Variants in CPPED1 observed in about 807,000 individuals in gnomAD.
CPPED1 encodes the protein serine/threonine-protein phosphatase CPPED1.
CPPED1 carries 28 observed loss-of-function variants against 28.0 expected under a neutral mutation model. The observed-to-expected ratio is 1.00, with a 90% CI of 0.74 to 1.37. The LOEUF (loss-of-function observed/expected upper bound fraction) is 1.37. CPPED1 is among the 40% of genes most tolerant of loss of function. The probability of loss-of-function intolerance (pLI) is 0.00; values close to 1 mark genes in which losing one functional copy is unlikely to be tolerated. For synonymous variants in CPPED1, 198 were observed against 180.2 expected, an observed-to-expected ratio of 1.10 and a Z score of -0.79; for missense variants, 504 against 416.5, an observed-to-expected ratio of 1.21 and a Z score of -1.83.
At chr16:12,733,149 C>T (rs995294879) in intron 2 of CPPED1, among the ~76,000 whole-genome samples, 1 of 152,026 alleles carries the variant, frequency 6.6e-6, no homozygotes, top group African/African-American at 2.4e-5. Context: ...AAAACCACAA[C>T]AAATAAAGCA....
intron 3 of CPPED1, among the ~76,000 whole-genome samples, chr16:12,696,885 C>T (rs942974339): frequency 6.6e-6 from 1 of 152,134 alleles, no homozygotes. Flanking sequence ...ACTTAAGAAG[C>T]CAAATCCTGT....
At chr16:12,769,312 C>T (rs534823824) in intron 2 of CPPED1, among the ~76,000 whole-genome samples, 3 of 152,166 alleles carry the variant, frequency 2.0e-5, no homozygotes, top group East Asian at 3.9e-4. Flanking sequence ...TTGGTTTCCT[C>T]GAAAATCCTA....
chr16:12,755,378 C>T (rs1258858898), intron 2 of CPPED1, among the ~76,000 whole-genome samples: 1 of 150,888 alleles, frequency 6.6e-6, no homozygotes, highest in African/African-American at 2.4e-5. Flanking sequence ...ACCTCCCAGG[C>T]TCAAGCAATC....
At chr16:12,729,247 G>A (rs1728716917) in intron 2 of CPPED1, among the ~76,000 whole-genome samples, 1 of 152,122 alleles carries the variant, frequency 6.6e-6, no homozygotes, top group African/African-American at 2.4e-5. Context: ...AAATAGTGAA[G>A]ATGGCTCCAA....
At position 12,663,418 on chromosome 16, in the gene CPPED1, T is replaced by C. The variant is rs2079807611; in HGVS notation, c.*1468A>G. ...CCGAACTCCTTTTCTTGACCTCCTA[T>C]ACCTACACCTGTTGTAAAGAAACAA... is the stretch of plus-strand genomic sequence containing the variant. On this transcript the variant is annotated 3_prime_UTR_variant, in exon 4 of 4. Transcript: ENST00000381774. 3 of 152,066 alleles carry C rather than the reference T, an allele frequency of 2.0e-5. No homozygotes were observed. Among genetic ancestry groups the C allele is most frequent in the Admixed American group, 1.3e-4 (2 of 15,270 alleles). 9.4% of individuals were successfully genotyped at this position (152,066 alleles called of 1,614,324 possible).
At chr16:12,685,745 G>C (rs986969985) in intron 3 of CPPED1, among the ~76,000 whole-genome samples, 1 of 152,318 alleles carries the variant, frequency 6.6e-6, no homozygotes, top group Non-Finnish European at 1.5e-5. Context: ...CCCCAAACCA[G>C]GATGGATGCA....
chr16:12,703,012 C>A (rs1475856891), intron 3 of CPPED1, among the ~76,000 whole-genome samples: 752 of 121,662 alleles, frequency 6.2e-3, no homozygotes, highest in Non-Finnish European at 6.5e-3. Context: ...GACTCCGTCT[C>A]AAAAAAAAAA....
chr16:12,746,398 C>T (rs959345996), intron 2 of CPPED1, among the ~76,000 whole-genome samples: 30 of 136,494 alleles, frequency 2.2e-4, no homozygotes, highest in African/African-American at 8.0e-4. Flanking sequence ...AAAAAAAATT[C>T]GATGTCCAGT....
At chr16:12,726,065 G>T (rs1323269179) in intron 2 of CPPED1, among the ~76,000 whole-genome samples, 1 of 151,434 alleles carries the variant, frequency 6.6e-6, no homozygotes, top group Non-Finnish European at 1.5e-5. Flanking sequence ...TTTATGAGAT[G>T]AAGTCTCACT....
At chr16:12,753,220 G>GC (rs1031511691) in intron 2 of CPPED1, 2 of 152,034 alleles carry the variant, frequency 1.3e-5, no homozygotes, top group African/African-American at 4.8e-5. Flanking sequence ...TGAAATCCTA[G>GC]CCCCCAGTGA....
chr16:12,686,190 T>G (rs1311043715), intron 3 of CPPED1, among the ~76,000 whole-genome samples: 1 of 152,110 alleles, frequency 6.6e-6, no homozygotes, highest in East Asian at 1.9e-4. Context: ...GGGTGGCCAG[T>G]AATCCATTTG....
chr16:12,674,491 A>T (rs1026291783), intron 3 of CPPED1, among the ~76,000 whole-genome samples: 1 of 152,112 alleles, frequency 6.6e-6, no homozygotes, highest in Admixed American at 6.5e-5. Flanking sequence ...GAAGTTCTGA[A>T]CCCGAAATAT....
At chr16:12,701,093 G>A (rs568950342) in intron 3 of CPPED1, among the ~76,000 whole-genome samples, 1 of 152,142 alleles carries the variant, frequency 6.6e-6, no homozygotes, top group Admixed American at 6.5e-5. Flanking sequence ...GCCAGGCATC[G>A]TGGCACTCCC....
At chr16:12,673,163 C>T (rs993078911) in intron 3 of CPPED1, among the ~76,000 whole-genome samples, 10 of 152,158 alleles carry the variant, frequency 6.6e-5, no homozygotes, top group South Asian at 2.1e-4. Context: ...CTGGGTTGGG[C>T]GCCTGATGGG....
intron 1 of CPPED1, among the ~76,000 whole-genome samples, chr16:12,799,441 T>G (rs2080646138): frequency 6.6e-6 from 1 of 152,132 alleles, no homozygotes; most frequent in Non-Finnish European, 1.5e-5. Flanking sequence ...AGATGGGGTT[T>G]CGCCATGTTG....
chr16:12,749,952 A>C (rs1424520048), intron 2 of CPPED1, among the ~76,000 whole-genome samples: 2 of 152,162 alleles, frequency 1.3e-5, no homozygotes, highest in African/African-American at 4.8e-5. Context: ...TTTTCAGTTT[A>C]CTTTGCCCAG....
intron 3 of CPPED1, among the ~76,000 whole-genome samples, chr16:12,685,902 A>C (rs539174600): frequency 6.6e-6 from 1 of 152,202 alleles, no homozygotes; most frequent in Non-Finnish European, 1.5e-5. Context: ...GGGGTTGTCA[A>C]TGTGAATGAA....
intron 2 of CPPED1, among the ~76,000 whole-genome samples, chr16:12,748,777 G>A (rs983824357): frequency 1.3e-5 from 2 of 151,908 alleles, no homozygotes; most frequent in Non-Finnish European, 2.9e-5. Flanking sequence ...CAGCTACTCA[G>A]GAGGCTGAGG....
At chr16:12,732,247 G>T (rs1220988018) in intron 2 of CPPED1, among the ~76,000 whole-genome samples, 1 of 140,484 alleles carries the variant, frequency 7.1e-6, no homozygotes, top group African/African-American at 2.7e-5. Context: ...AAAAAAAAAA[G>T]CTCTTGAAAA....
Sources: gnomAD v4.1 joint callset for allele counts (sites outside exome capture counted in the v4.1 genomes callset) on GRCh38, gnomAD v4.1.1 for gene constraint, MANE v1.5 for transcripts, NCBI Gene and HGNC (gene_info 2026-07-23, HGNC 2026-07-21) for gene names.